LAMA2: variants seen among roughly 807,000 people sequenced by gnomAD.
LAMA2 encodes the protein laminin subunit alpha 2, also known as laminin subunit alpha-2.
A neutral mutation model predicts 364.8 loss-of-function variants in LAMA2; 269 were observed. The ratio of observed to expected loss-of-function variants is 0.74; its 90% CI spans 0.67 to 0.82. LAMA2 has a LOEUF of 0.82. LAMA2 is among the 40% of genes least tolerant of loss of function. The pLI is 0.00. For missense variants in LAMA2, 3,807 were observed against 3,873.2 expected, an observed-to-expected ratio of 0.98 and a Z score of 0.45; for synonymous variants, 1,379 against 1,370.6, an observed-to-expected ratio of 1.01 and a Z score of -0.14.
intron 58 of LAMA2, among the ~76,000 whole-genome samples, chr6:129,498,403 G>A (rs1175983452): frequency 1.3e-5 from 2 of 152,180 alleles, no homozygotes; most frequent in Non-Finnish European, 2.9e-5. Flanking sequence ...TGTATTTAAA[G>A]AGAAAACATA....
chr6:129,335,360 A>AGG (rs1775895360), intron 29 of LAMA2, among the ~76,000 whole-genome samples: 1 of 92,328 alleles, frequency 1.1e-5, no homozygotes, highest in African/African-American at 3.6e-5. Flanking sequence ...AAGTAGGTAG[A>AGG]TAGATAGATA....
intron 20 of LAMA2, among the ~76,000 whole-genome samples, chr6:129,293,986 A>G (rs974707160): frequency 6.6e-6 from 1 of 152,170 alleles, no homozygotes; most frequent in African/African-American, 2.4e-5. Flanking sequence ...GATCCACTTC[A>G]GAGGGTTTAT....
At chr6:129,198,030 T>C (rs751350794) in intron 12 of LAMA2, among the ~76,000 whole-genome samples, 10 of 151,928 alleles carry the variant, frequency 6.6e-5, no homozygotes, top group Non-Finnish European at 1.3e-4. Context: ...GAATACTAGA[T>C]AGGAGAATGT....
chr6:129,305,045 C>T (rs928153942), intron 22 of LAMA2, among the ~76,000 whole-genome samples: 9 of 151,976 alleles, frequency 5.9e-5, no homozygotes, highest in Non-Finnish European at 7.4e-5. Context: ...TAACTTTGTC[C>T]GTTTCTTCTT....
chr6:128,922,306 TAGTTTAC>T (rs1472915736), intron 1 of LAMA2, among the ~76,000 whole-genome samples: 2 of 151,288 alleles, frequency 1.3e-5, no homozygotes, highest in African/African-American at 4.9e-5. Context: ...ATGGTTGAAC[TAGTTTAC>T]AGTCCCACCA....
At chr6:129,099,731 TA>T (rs1221631055) in intron 4 of LAMA2, among the ~76,000 whole-genome samples, 1 of 152,260 alleles carries the variant, frequency 6.6e-6, no homozygotes, top group African/African-American at 2.4e-5. Context: ...GCACTATTTT[TA>T]TATTAATGTA....
chr6:129,130,489 G>A (rs1312232505), intron 4 of LAMA2, among the ~76,000 whole-genome samples: 4 of 152,204 alleles, frequency 2.6e-5, no homozygotes, highest in African/African-American at 4.8e-5. Flanking sequence ...TCCTCTTAAT[G>A]AGCCTGTGTC....
intron 31 of LAMA2, among the ~76,000 whole-genome samples, chr6:129,350,040 C>T (rs1185403650): frequency 6.6e-6 from 1 of 152,112 alleles, no homozygotes; most frequent in African/African-American, 2.4e-5. Flanking sequence ...GAGTACAGTT[C>T]CAAACTGATT....
intron 1 of LAMA2, among the ~76,000 whole-genome samples, chr6:128,953,331 C>T (rs1780949642): frequency 6.6e-6 from 1 of 152,002 alleles, no homozygotes; most frequent in Non-Finnish European, 1.5e-5. Context: ...GAAAAAAGGC[C>T]CTCTAACATT....
At chr6:129,301,947 T>G (rs1773578766) in intron 22 of LAMA2, among the ~76,000 whole-genome samples, 1 of 152,134 alleles carries the variant, frequency 6.6e-6, no homozygotes. Context: ...TGGTGTTACG[T>G]TTTTGTAATT....
At chr6:129,171,539 G>T (rs547693315) in intron 9 of LAMA2, among the ~76,000 whole-genome samples, 13 of 152,296 alleles carry the variant, frequency 8.5e-5, no homozygotes, top group East Asian at 3.9e-4. Flanking sequence ...TCTGCCGAGC[G>T]ATCTGCTGTT....
intron 4 of LAMA2, among the ~76,000 whole-genome samples, chr6:129,107,702 C>A (rs1775913740): frequency 6.6e-6 from 1 of 152,104 alleles, no homozygotes; most frequent in South Asian, 2.1e-4. Flanking sequence ...TGTATAAATT[C>A]ATATATACTA....
At chr6:129,192,970 C>T (rs771905176) in intron 12 of LAMA2, 117 bp downstream of exon 12, 14 of 1,078,280 alleles carry the variant, frequency 1.3e-5, no homozygotes, top group Non-Finnish European at 1.9e-5. Flanking sequence ...ATTGGATTGC[C>T]AGAACCAGCT....
Position 129,503,142 on chromosome 6 carries a change from T to C in LAMA2, c.8409T>C (p.Phe2803=). 3 of 1,614,224 alleles carry C rather than the reference T, an allele frequency of 1.9e-6. No homozygotes were observed. The highest frequency in any genetic ancestry group is 2.5e-6 in the Non-Finnish European group (3 of 1,180,038). Residue 2803 remains phenylalanine, a synonymous_variant, in exon 60 of 65, where the codon TTT becomes TTC. Transcript: ENST00000421865. ...VRTEAESGLL[F]YMARINHADF... ...CCGAAGCTGAATCCGGCTTGCTTTTTTACATGGCTCGCATCAATCATGCTG... is the reference window on the plus strand; with the variant it reads ...CCGAAGCTGAATCCGGCTTGCTTTTCTACATGGCTCGCATCAATCATGCTG...
chr6:129,087,554 TA>T, intron 3 of LAMA2, among the ~76,000 whole-genome samples: 1 of 152,290 alleles, frequency 6.6e-6, no homozygotes, highest in East Asian at 1.9e-4. Flanking sequence ...TTCCTTTTAT[TA>T]AAAGAAAATC....
chr6:129,089,843 G>A (rs1774705849), intron 3 of LAMA2, among the ~76,000 whole-genome samples: 1 of 152,108 alleles, frequency 6.6e-6, no homozygotes, highest in South Asian at 2.1e-4. Flanking sequence ...CTGCTCACTC[G>A]TGTTACTCGT....
At chr6:129,504,087 T>C (rs916062530) in intron 60 of LAMA2, among the ~76,000 whole-genome samples, 1 of 152,222 alleles carries the variant, frequency 6.6e-6, no homozygotes, top group African/African-American at 2.4e-5. Context: ...ACGATATTAT[T>C]AGATGTTAGA....
At chr6:128,887,824 C>T (rs560797159) in intron 1 of LAMA2, among the ~76,000 whole-genome samples, 1 of 152,176 alleles carries the variant, frequency 6.6e-6, no homozygotes, top group East Asian at 1.9e-4. Flanking sequence ...GAGCCGAGAT[C>T]GTGTCATTGC....
At chr6:128,938,022 T>G (rs549588614) in intron 1 of LAMA2, among the ~76,000 whole-genome samples, 1 of 152,132 alleles carries the variant, frequency 6.6e-6, no homozygotes, top group Admixed American at 6.6e-5. Flanking sequence ...TCTCTTTGGA[T>G]TTCTTCTTTG....
Sources: allele counts gnomAD v4.1 joint callset (sites outside exome capture counted in the v4.1 genomes callset), GRCh38; gene constraint gnomAD v4.1.1; transcripts MANE v1.5; gene names NCBI Gene and HGNC (gene_info 2026-07-23, HGNC 2026-07-21).